MYNN: variants seen among roughly 807,000 people sequenced by gnomAD.
MYNN encodes myoneurin.
MYNN carries 22 observed loss-of-function variants against 57.2 expected under a neutral mutation model. The observed-to-expected ratio is 0.38, with a 90% CI of 0.27 to 0.55. The LOEUF is 0.55. MYNN is among the 20% of genes least tolerant of loss of function. The pLI is 0.71. For synonymous variants in MYNN, 241 were observed against 257.1 expected (o/e 0.94, Z 0.60); for missense variants, 566 against 723.1 (o/e 0.78, Z 2.49).
chr3:169,779,127 T>A lies in MYNN; in HGVS notation c.626T>A (p.Val209Asp). ...AGTGACATCTTAGAGAATGCATCTG[T>A]TGAATTATTCCTAGATGCAAATAAA... Reference protein sequence around the residue: ...YPSDILENASVELFLDANKLP... With the variant: ...YPSDILENASDELFLDANKLP... The change falls in exon 3 of 8, where the codon GTT (valine) becomes GAT (aspartate). Residue 209 changes from valine (V) to aspartate (D), a missense_variant. This residue lies in a region of MYNN where 261 missense variants were observed against 280.8 expected (regional missense o/e 0.93). Transcript: ENST00000349841. The A allele has an allele frequency of 1.2e-6, 2 of 1,614,132 alleles. No homozygotes were observed. Among genetic ancestry groups the A allele is most frequent in the South Asian group, 2.2e-5 (2 of 91,080 alleles).
rs1330302641 is a variant in MYNN at position 169,786,418 on chromosome 3, G to T, written c.1573G>T (p.Ala525Ser). The T allele has an allele frequency of 1.2e-6, 2 of 1,606,254 alleles. No individual in the cohort carries two copies. Residue 525 changes from alanine (A) to serine (S), a missense_variant and splice_region_variant, in exon 8 of 8, where the codon GCA (alanine) becomes TCA (serine). Transcript: ENST00000349841. ...KKHKTKVHSG[A>S]DKTLDSSAED... Reference sequence around the variant, plus strand: ...ATTTTTTTTTCCTTCCATTCTAGGTGCAGATAAAACTCTAGACTCCAGTGC... The same window carrying T: ...ATTTTTTTTTCCTTCCATTCTAGGTTCAGATAAAACTCTAGACTCCAGTGC...
chr3:169,782,608 C>G lies in MYNN; in HGVS notation c.1364C>G (p.Ser455Cys). ...CDTCGKAFAV[S>C]SSLITHSRKH... ...ACCTGTGGGAAGGCATTTGCTGTCT[C>G]TAGTTCTCTTATCACTCATTCTCGA... The change falls in exon 5 of 8, where the codon TCT (serine) becomes TGT (cysteine). Residue 455 changes from serine (S) to cysteine (C), a missense_variant. Physicochemically the swap from Ser to Cys is moderately radical, Grantham distance 112. Coordinates refer to ENST00000349841, the MANE Select transcript of MYNN (RefSeq NM_018657.5). The surrounding 1 kb of genome is among the most constrained non-coding windows in gnomAD (Gnocchi z 4.8). The G allele has an allele frequency of 1.2e-6, 2 of 1,613,884 alleles. No homozygotes were observed. The highest frequency in any genetic ancestry group is 1.7e-6 in the Non-Finnish European group (2 of 1,179,858).
At chr3:169,780,535 C>A in intron 3 of MYNN, 55 bp from the exon 4 acceptor site, 1 of 1,325,084 alleles carries the variant, frequency 7.5e-7, no homozygotes, top group Non-Finnish European at 1.0e-6. Context: ...TCTTATATGA[C>A]TTATGCAACC....
intron 3 of MYNN, chr3:169,779,790 A>G (rs1234960622): frequency 3.9e-6 from 2 of 510,410 alleles, no homozygotes; most frequent in South Asian, 3.3e-5. Flanking sequence ...TTTCCCTCCA[A>G]ATAAGTATGT....
chr3:169,786,467 A>C lies in MYNN; in HGVS notation c.1622A>C (p.Gln541Pro). ...GCAGAGGATCATACTTTGAGTGAACAGGATTCCATACAAAAAAGTCCTTTA... is the reference window on the plus strand; with the variant it reads ...GCAGAGGATCATACTTTGAGTGAACCGGATTCCATACAAAAAAGTCCTTTA... ...SSAEDHTLSE[Q>P]DSIQKSPLSE... The change falls in exon 8 of 8, where the codon CAG becomes CCG. Residue 541 changes from glutamine to proline, a missense_variant. Gln to Pro is a moderately conservative substitution (Grantham distance 76). Transcript: ENST00000349841. 1 of 1,613,648 alleles carries C rather than the reference A, an allele frequency of 6.2e-7. No individual in the cohort carries two copies.
chr3:169,776,223 A>G (rs1234240001), intron 2 of MYNN, among the ~76,000 whole-genome samples: 1 of 152,216 alleles, frequency 6.6e-6, no homozygotes, highest in African/African-American at 2.4e-5. Flanking sequence ...CTCTTTTGGT[A>G]CATATCTTTC....
intron 7 of MYNN, among the ~76,000 whole-genome samples, chr3:169,786,103 A>G (rs1332141802): frequency 6.6e-6 from 1 of 152,064 alleles, no homozygotes; most frequent in Admixed American, 6.6e-5. Flanking sequence ...TTAAATGGCA[A>G]TAAGAGAGAT....
intron 5 of MYNN, among the ~76,000 whole-genome samples, chr3:169,783,234 C>A (rs1271942844): frequency 6.6e-6 from 1 of 151,864 alleles, no homozygotes; most frequent in Non-Finnish European, 1.5e-5. Flanking sequence ...ATTCCTTGCC[C>A]AAATCATCTC....
chr3:169,780,923 G>A (rs1778493460), intron 4 of MYNN, among the ~76,000 whole-genome samples, 174 bp downstream of exon 4: 1 of 152,190 alleles, frequency 6.6e-6, no homozygotes. Flanking sequence ...GAAATAAGCA[G>A]GGGGTGGGGA....
Position 169,788,137 on chromosome 3 carries a change from C to A in MYNN, c.*1459C>A, listed in dbSNP as rs893660589. ...TTCATTAATTTTCTCTATTTGGGAC[C>A]CAAGTCATAAGAACCAATTAGAGGA... On this transcript the variant is annotated 3_prime_UTR_variant, in exon 8 of 8. Transcript: ENST00000349841. The A allele has an allele frequency of 2.6e-5, 4 of 151,702 alleles. No individual in the cohort carries two copies. The highest frequency in any genetic ancestry group is 9.7e-5 in the African/African-American group (4 of 41,280). The allele number at this position is 151,702 out of a possible 1,614,324, so 9.4% of individuals were successfully genotyped here.
At chr3:169,783,676 C>G in intron 6 of MYNN, 116 bp downstream of exon 6, 2 of 768,820 alleles carry the variant, frequency 2.6e-6, no homozygotes, top group Admixed American at 3.7e-5. Context: ...GTACCTATAG[C>G]AATATCTTAA....
At chr3:169,784,222 A>T (rs1050153114) in intron 6 of MYNN, among the ~76,000 whole-genome samples, 4 of 151,934 alleles carry the variant, frequency 2.6e-5, no homozygotes, top group African/African-American at 9.7e-5. Flanking sequence ...ATTTTTAAGG[A>T]TTTTCTAATT....
intron 7 of MYNN, among the ~76,000 whole-genome samples, chr3:169,785,078 G>C (rs976928661): frequency 6.8e-6 from 1 of 147,290 alleles, no homozygotes; most frequent in Admixed American, 6.8e-5. Flanking sequence ...AAAGGGGGGG[G>C]GGGTGGTGTT....
At chr3:169,781,975 T>A (rs1014349560) in intron 4 of MYNN, among the ~76,000 whole-genome samples, 6 of 152,042 alleles carry the variant, frequency 3.9e-5, no homozygotes, top group African/African-American at 1.4e-4. Flanking sequence ...GTGAGAAACA[T>A]GGATGATGTA....
chr3:169,779,664 A>G, intron 3 of MYNN, 103 bp downstream of exon 3: 2 of 1,150,540 alleles, frequency 1.7e-6, no homozygotes, highest in Non-Finnish European at 2.4e-6. Context: ...AGAATTTGGT[A>G]TATTTTTCTA....
chr3:169,780,700 G>A lies in MYNN; in HGVS notation c.1171G>A (p.Val391Ile), dbSNP rs776819666. ...TGAAGAAAAACCCTATAAATGTGAT[G>A]TATGCAACTTACAGTTTGCAACTTC... The part of the protein sequence containing the change: ...HGEEKPYKCD[V>I]CNLQFATSSN... Residue 391 changes from valine to isoleucine, a missense_variant, in exon 4 of 8, where the codon GTA (valine) becomes ATA (isoleucine). Val to Ile is a conservative substitution (Grantham distance 29). Transcript: ENST00000349841. The A allele has an allele frequency of 7.5e-6, 12 of 1,609,858 alleles. No individual in the cohort carries two copies. Among genetic ancestry groups the A allele is most frequent in the South Asian group, 1.1e-5 (1 of 89,736 alleles).
rs1778694378 is a variant in MYNN, at chr3:169,786,926, T to G, written c.*248T>G. The G allele has an allele frequency of 2.7e-6, 1 of 371,886 alleles. No individual in the cohort carries two copies. Among genetic ancestry groups the G allele is most frequent in the South Asian group, 5.6e-5 (1 of 17,882 alleles). The allele number at this position is 371,886 out of a possible 1,614,324, so 23.0% of individuals were successfully genotyped here. ...CACTATTTTGGGTGGATGAGTTTTA[T>G]TTTCTTTTAAAGCTGCCTTAATTCC... On this transcript the variant is annotated 3_prime_UTR_variant, in exon 8 of 8. Transcript: ENST00000349841.
intron 2 of MYNN, 98 bp downstream of exon 2, chr3:169,774,659 T>C: frequency 8.9e-7 from 1 of 1,123,072 alleles, no homozygotes. Flanking sequence ...TGAACTCAAA[T>C]TCTTCACCTA....
chr3:169,783,696 A>G (rs762886339), intron 6 of MYNN, 136 bp downstream of exon 6: 1 of 741,376 alleles, frequency 1.3e-6, no homozygotes, highest in African/African-American at 1.7e-5. Context: ...ATGTATAAAT[A>G]TCAACTTATT....
Sources: allele counts gnomAD v4.1 joint callset (sites outside exome capture counted in the v4.1 genomes callset), GRCh38; gene constraint gnomAD v4.1.1; regional missense constraint gnomAD v4.1.1; non-coding constraint Gnocchi (gnomAD v3.1); transcripts MANE v1.5; gene names NCBI Gene and HGNC (gene_info 2026-07-23, HGNC 2026-07-21).